Variants in CD34 observed in about 807,000 individuals in gnomAD.
CD34 encodes the protein CD34 molecule, also known as hematopoietic progenitor cell antigen CD34.
A neutral mutation model predicts 40.1 loss-of-function variants in CD34; 34 were observed. That is an observed-to-expected ratio of 0.85 (90% CI 0.65 to 1.13). The LOEUF (loss-of-function observed/expected upper bound fraction) is 1.13, where lower values mean the gene tolerates loss of function less well. Ranked by LOEUF, CD34 falls within the 50% of genes most tolerant of loss-of-function variation. CD34 has a pLI of 0.00. For synonymous variants in CD34, 209 were observed against 190.0 expected (o/e 1.10, Z -0.82); for missense variants, 426 against 466.9 (o/e 0.91, Z 0.81).
intron 1 of CD34, among the ~76,000 whole-genome samples, chr1:207,907,976 AG>A (rs1662418685): frequency 6.6e-6 from 1 of 152,174 alleles, no homozygotes; most frequent in Non-Finnish European, 1.5e-5. Context: ...TCAATGAGAG[AG>A]GGAGGCCCAA....
intron 4 of CD34, among the ~76,000 whole-genome samples, chr1:207,896,205 T>C (rs577463593): frequency 7.9e-5 from 12 of 152,284 alleles, no homozygotes; most frequent in Middle Eastern, 6.8e-3. Flanking sequence ...CCCCAACTTG[T>C]AAGAAAATGT....
Position 207,897,543 on chromosome 1 carries a change from C to T in CD34, c.547G>A (p.Val183Met). ...AEIKCSGIREVKLTQGICLEQ... is the reference protein window; with the variant it reads ...AEIKCSGIREMKLTQGICLEQ... Reference sequence around the variant, plus strand: ...AGGCAGATGCCCTGAGTCAATTTCACTTCTCTGATGCCTGAACATTTGATT... The same window carrying T: ...AGGCAGATGCCCTGAGTCAATTTCATTTCTCTGATGCCTGAACATTTGATT... The change falls in exon 4 of 8, where the codon GTG becomes ATG. Residue 183 changes from valine to methionine, a missense_variant. Val to Met is a conservative substitution (Grantham distance 21, BLOSUM62 1). Coordinates refer to ENST00000310833, the MANE Select transcript of CD34 (RefSeq NM_001025109.2). The T allele has an allele frequency of 6.4e-7, 1 of 1,558,032 alleles. No individual in the cohort carries two copies. The highest frequency in any genetic ancestry group is 8.7e-7 in the Non-Finnish European group (1 of 1,149,358).
intron 4 of CD34, among the ~76,000 whole-genome samples, chr1:207,895,128 T>A (rs550552061): frequency 6.6e-6 from 1 of 152,198 alleles, no homozygotes; most frequent in Non-Finnish European, 1.5e-5. Context: ...ACACCGAAAG[T>A]ACAAATCCAA....
intron 4 of CD34, among the ~76,000 whole-genome samples, chr1:207,893,327 A>G (rs533422637): frequency 1.3e-5 from 2 of 152,224 alleles, no homozygotes; most frequent in Admixed American, 6.5e-5. Context: ...GACCTTTAAG[A>G]TATTTAAGAT....
Position 207,888,668 on chromosome 1 carries a change from C to T in CD34, c.972+14G>A. The stretch of plus-strand genomic sequence containing the variant: ...ATCTTCCTCATTTCCTTTACCCTGG[C>T]CCCCAGAACTGACCAGCCTTTCTCC... On this transcript the variant is annotated intron_variant, in intron 7 of 7. Coordinates refer to ENST00000310833, the MANE Select transcript of CD34 (RefSeq NM_001025109.2). The T allele has an allele frequency of 1.2e-6, 2 of 1,613,148 alleles. No homozygotes were observed. The highest frequency in any genetic ancestry group is 1.7e-6 in the Non-Finnish European group (2 of 1,179,540).
chr1:207,904,316 T>C (rs1662335000), intron 1 of CD34, among the ~76,000 whole-genome samples: 1 of 152,200 alleles, frequency 6.6e-6, no homozygotes, highest in South Asian at 2.1e-4. Flanking sequence ...TTCCTGGGAA[T>C]CTTAGTCCAT....
Position 207,890,013 on chromosome 1 carries a change from A to G in CD34, c.598-392T>C, listed in dbSNP as rs78339572. 2.2e-3 allele frequency: 3,014 copies of G among 1,392,090 alleles called. 21 individuals carry two copies. The African/African-American group carries it at 0.023, about 11-fold the overall frequency. 86.2% of individuals were successfully genotyped at this position (1,392,090 alleles called of 1,614,324 possible). On this transcript the variant is annotated intron_variant, in intron 4 of 7. Coordinates refer to ENST00000310833, the MANE Select transcript of CD34 (RefSeq NM_001025109.2). ...TGTTTCAAGATTACAGCAGTCCCCA[A>G]TGATGGAAGAAAAGCCAAGGGAGGT...
intron 1 of CD34, among the ~76,000 whole-genome samples, chr1:207,908,841 G>A (rs539468146): frequency 6.6e-6 from 1 of 152,106 alleles, no homozygotes; most frequent in South Asian, 2.1e-4. Context: ...CTTCTCAAAG[G>A]GACAGAAAAA....
chr1:207,906,614 G>A (rs558504144), intron 1 of CD34, among the ~76,000 whole-genome samples: 1 of 152,276 alleles, frequency 6.6e-6, no homozygotes, highest in African/African-American at 2.4e-5. Context: ...GGAGGCCGAT[G>A]TGGGTGGATC....
At chr1:207,893,301 C>G (rs1251294210) in intron 4 of CD34, among the ~76,000 whole-genome samples, 3 of 152,092 alleles carry the variant, frequency 2.0e-5, no homozygotes, top group Admixed American at 6.5e-5. Context: ...GAGGGAGGGA[C>G]AGGTATTTTT....
chr1:207,881,830 AT>A lies in CD34; in HGVS notation c.*5907del, dbSNP rs1007858121. On this transcript the variant is annotated 3_prime_UTR_variant, in exon 8 of 8. Coordinates refer to ENST00000310833, the MANE Select transcript of CD34 (RefSeq NM_001025109.2). ...ACTTACATTATCATGTAATTGAATA[AT>A]TATTGTTATTTTTAAACAAATTAAT... The A allele has an allele frequency of 2.1e-4, 32 of 152,290 alleles. No individual in the cohort carries two copies. Among genetic ancestry groups the A allele is most frequent in the African/African-American group, 7.5e-4 (31 of 41,584 alleles). The allele number at this position is 152,290 out of a possible 1,614,324, so 9.4% of individuals were successfully genotyped here.
At chr1:207,903,436 A>G (rs1662318419) in intron 1 of CD34, among the ~76,000 whole-genome samples, 1 of 152,210 alleles carries the variant, frequency 6.6e-6, no homozygotes, top group South Asian at 2.1e-4. Flanking sequence ...CCACAAGGCT[A>G]CAAGAATTAT....
rs537072698 is a variant in CD34 at position 207,902,054 on chromosome 1, C to T, written c.80-2051G>A. 5.3e-5 allele frequency among the ~76,000 whole-genome samples: 8 copies of T among 152,324 alleles called. No homozygotes were observed. In the South Asian group the frequency reaches 1.7e-3, roughly 32 times the overall value. On this transcript the variant is annotated intron_variant, in intron 1 of 7. Transcript: ENST00000310833. ...AGAACGGTTTCCCTAAAGGTGATGA[C>T]AAGGGTTTCACTCTCTCATATCTGC... is the stretch of plus-strand genomic sequence containing the variant.
At chr1:207,906,949 T>A (rs1558123780) in intron 1 of CD34, among the ~76,000 whole-genome samples, 2 of 152,132 alleles carry the variant, frequency 1.3e-5, no homozygotes, top group African/African-American at 4.8e-5. Flanking sequence ...CACCTACATT[T>A]CTCCCTGTCA....
intron 3 of CD34, among the ~76,000 whole-genome samples, chr1:207,898,031 T>TTTTATTTATTTATTTATTTA (rs60024563): frequency 4.7e-4 from 67 of 143,460 alleles, no homozygotes; most frequent in African/African-American, 1.4e-3. Context: ...ATTTTGGCTC[T>TTTTATTTATTTATTTATTTA]TTTATTTATT....
chr1:207,909,787 A>G (rs1662463183), intron 1 of CD34, among the ~76,000 whole-genome samples: 1 of 152,148 alleles, frequency 6.6e-6, no homozygotes, highest in Non-Finnish European at 1.5e-5. Flanking sequence ...CCTTGCCCCA[A>G]AGCACACATC....
Position 207,883,944 on chromosome 1 carries a change from T to C in CD34, c.*3794A>G, listed in dbSNP as rs1661852350. On this transcript the variant is annotated 3_prime_UTR_variant, in exon 8 of 8. Transcript: ENST00000310833. ...TACTCAGCAGCCAGCATGATCCTTT[T>C]AAAACATAAAGCAGATGATATGACT... 6.6e-6 allele frequency: 1 copy of C among 152,180 alleles called. No individual in the cohort carries two copies. The highest frequency in any genetic ancestry group is 2.4e-5 in the African/African-American group (1 of 41,428). 9.4% of individuals were successfully genotyped at this position (152,180 alleles called of 1,614,324 possible). A position where few individuals can be genotyped will look rare whatever the true frequency, so the allele number is the denominator to read the frequency against.
At chr1:207,902,176 A>C (rs1168251791) in intron 1 of CD34, among the ~76,000 whole-genome samples, 3 of 152,228 alleles carry the variant, frequency 2.0e-5, no homozygotes, top group Non-Finnish European at 4.4e-5. Flanking sequence ...GGGAGAAGGA[A>C]TATCACTATC....
At chr1:207,901,410 C>T (rs1662269481) in intron 1 of CD34, among the ~76,000 whole-genome samples, 1 of 152,380 alleles carries the variant, frequency 6.6e-6, no homozygotes, top group Middle Eastern at 3.4e-3. Flanking sequence ...GGTGTACACC[C>T]CCAAGGCCCA....
Sources: allele counts gnomAD v4.1 joint callset (sites outside exome capture counted in the v4.1 genomes callset), GRCh38; gene constraint gnomAD v4.1.1; transcripts MANE v1.5; gene names NCBI Gene and HGNC (gene_info 2026-07-23, HGNC 2026-07-21).